The following RSU1 variants were observed in gnomAD, a reference collection of about 807,000 sequenced individuals.
The protein encoded by RSU1 is Ras suppressor protein 1.
RSU1 carries 26 observed loss-of-function variants against 31.1 expected under a neutral mutation model. The ratio of observed to expected loss-of-function variants is 0.84; its 90% CI spans 0.61 to 1.16. The LOEUF is 1.16. Ranked by LOEUF, RSU1 falls within the 50% of genes most tolerant of loss-of-function variation. The pLI, the probability that RSU1 is intolerant of heterozygous loss-of-function variation, is 0.00. For synonymous variants in RSU1, 164 were observed against 136.3 expected, an observed-to-expected ratio of 1.20 and a Z score of -1.41; for missense variants, 320 against 339.1, an observed-to-expected ratio of 0.94 and a Z score of 0.44.
chr10:16,621,198 G>C (rs1234956641), intron 8 of RSU1, among the ~76,000 whole-genome samples: 2 of 152,132 alleles, frequency 1.3e-5, no homozygotes, highest in Non-Finnish European at 2.9e-5. Context: ...GCGCCTGTGG[G>C]GGTGTGTTAT....
In RSU1 at chr10:16,746,942, T is replaced by C. The variant is rs565226949; in HGVS notation, c.598+5597A>G. On this transcript the variant is annotated intron_variant, in intron 7 of 8. Transcript: ENST00000345264. ...CAGGCTCCGGAGGATATTTCAATTATGTGCATTCCACTGTCCTGTCCTGGC... is the reference window on the plus strand; with the variant it reads ...CAGGCTCCGGAGGATATTTCAATTACGTGCATTCCACTGTCCTGTCCTGGC... 2.6e-5 allele frequency among the ~76,000 whole-genome samples: 4 copies of C among 152,284 alleles called. No individual in the cohort carries two copies. The South Asian group carries it at 6.2e-4, about 24-fold the overall frequency.
At position 16,789,888 on chromosome 10, in the gene RSU1, C is replaced by G. The variant is rs557198118; in HGVS notation, c.110-7804G>C. Among the ~76,000 whole-genome samples the G allele has an allele frequency of 8.5e-4, 129 of 152,320 alleles. 1 individual carries two copies. The highest frequency in any genetic ancestry group is 1.7e-3 in the Non-Finnish European group (113 of 68,032). Reference sequence around the variant, plus strand: ...GAGTAGAATACATTTCAAAATTCAACTCAGTAACTAAGAAAACGTGTTGAC... The same window carrying G: ...GAGTAGAATACATTTCAAAATTCAAGTCAGTAACTAAGAAAACGTGTTGAC... On this transcript the variant is annotated intron_variant, in intron 2 of 8. Transcript: ENST00000345264.
intron 7 of RSU1, among the ~76,000 whole-genome samples, chr10:16,740,773 C>G (rs1196554861): frequency 3.3e-5 from 5 of 152,106 alleles, no homozygotes; most frequent in Non-Finnish European, 7.4e-5. Flanking sequence ...ATCAAAAACT[C>G]TGAAATCTAC....
intron 8 of RSU1, among the ~76,000 whole-genome samples, chr10:16,647,393 C>A (rs1834592174): frequency 6.6e-6 from 1 of 152,182 alleles, no homozygotes; most frequent in South Asian, 2.1e-4. Flanking sequence ...CAATTCCACT[C>A]CTAGGTACAC....
At chr10:16,728,973 G>A (rs1836450539) in intron 7 of RSU1, among the ~76,000 whole-genome samples, 1 of 152,196 alleles carries the variant, frequency 6.6e-6, no homozygotes, top group African/African-American at 2.4e-5. Context: ...CCCTCCAGAA[G>A]CATAAGAGAA....
At chr10:16,673,047 T>G (rs1835142603) in intron 8 of RSU1, among the ~76,000 whole-genome samples, 1 of 151,980 alleles carries the variant, frequency 6.6e-6, no homozygotes, top group South Asian at 2.1e-4. Context: ...GCATGTCTCC[T>G]AGGGCAAGCT....
At chr10:16,710,800 A>G (rs112908329) in intron 7 of RSU1, among the ~76,000 whole-genome samples, 1,884 of 152,196 alleles carry the variant, frequency 0.012, 37 homozygotes, top group African/African-American at 0.043. Context: ...AATTTCTCCA[A>G]TGCTATCCCT....
At chr10:16,710,637 G>A (rs1588485388) in intron 7 of RSU1, among the ~76,000 whole-genome samples, 1 of 151,934 alleles carries the variant, frequency 6.6e-6, no homozygotes, top group East Asian at 1.9e-4. Context: ...CAGGTCCTAA[G>A]CTTTTCTTTG....
intron 2 of RSU1, among the ~76,000 whole-genome samples, chr10:16,803,083 A>G (rs1224731411): frequency 6.6e-6 from 1 of 152,184 alleles, no homozygotes. Flanking sequence ...AGGATGAATT[A>G]AAACTGTCTT....
intron 8 of RSU1, among the ~76,000 whole-genome samples, chr10:16,692,115 G>A (rs368772801): frequency 1.1e-4 from 17 of 152,042 alleles, no homozygotes; most frequent in African/African-American, 3.9e-4. Flanking sequence ...GGCTCCATGA[G>A]GAAATGAAAC....
intron 7 of RSU1, among the ~76,000 whole-genome samples, chr10:16,709,010 T>A (rs1014561185): frequency 6.6e-6 from 1 of 152,018 alleles, no homozygotes; most frequent in South Asian, 2.1e-4. Flanking sequence ...TTTTTTTTTT[T>A]AATTATACTT....
chr10:16,674,080 C>A (rs1453748862), intron 8 of RSU1, among the ~76,000 whole-genome samples: 1 of 152,136 alleles, frequency 6.6e-6, no homozygotes, highest in Non-Finnish European at 1.5e-5. Context: ...GGAGGCCTGG[C>A]TGACTCAAAA....
At chr10:16,659,301 CT>C (rs869035739) in intron 8 of RSU1, among the ~76,000 whole-genome samples, 6,462 of 100,886 alleles carry the variant, frequency 0.064, 324 homozygotes, top group African/African-American at 0.2. Flanking sequence ...AGGTTATATT[CT>C]TTTTTTTTTT....
chr10:16,714,230 A>C lies in RSU1; in HGVS notation c.599-19075T>G, dbSNP rs77778514. Among the ~76,000 whole-genome samples the C allele has an allele frequency of 9.3e-3, 1,413 of 152,252 alleles. 28 individuals are homozygous for C. The highest frequency in any genetic ancestry group is 0.082 in the East Asian group (423 of 5,160). On this transcript the variant is annotated intron_variant, in intron 7 of 8. Transcript: ENST00000345264. ...GATGGATGAAGAGTCTACTGGTCTGATGCTGTGCCAGCTGCACATAGGTGC... is the reference window on the plus strand; with the variant it reads ...GATGGATGAAGAGTCTACTGGTCTGCTGCTGTGCCAGCTGCACATAGGTGC...
intron 8 of RSU1, among the ~76,000 whole-genome samples, chr10:16,607,992 G>A (rs930538442): frequency 6.6e-6 from 1 of 152,024 alleles, no homozygotes; most frequent in Admixed American, 6.5e-5. Context: ...CACCACACCC[G>A]GCTCATTTTT....
intron 3 of RSU1, among the ~76,000 whole-genome samples, chr10:16,765,622 A>G (rs964735321): frequency 6.6e-6 from 1 of 152,266 alleles, no homozygotes; most frequent in Admixed American, 6.5e-5. Context: ...TAATTCATCT[A>G]TCCCACTTGC....
chr10:16,701,394 C>T lies in RSU1; in HGVS notation c.599-6239G>A, dbSNP rs566124370. On this transcript the variant is annotated intron_variant, in intron 7 of 8. Coordinates refer to ENST00000345264, the MANE Select transcript of RSU1 (RefSeq NM_012425.4). ...TGCTTTTCTTTCTGTACATCATCAA[C>T]GCAATGTAAGCTGGGATGTCTCATG... Among the ~76,000 whole-genome samples, 9 of 152,276 alleles carry T rather than the reference C, an allele frequency of 5.9e-5. No homozygotes were observed. The South Asian group carries it at 6.2e-4, about 11-fold the overall frequency.
At chr10:16,727,729 T>C (rs1188851879) in intron 7 of RSU1, among the ~76,000 whole-genome samples, 13 of 152,106 alleles carry the variant, frequency 8.5e-5, no homozygotes, top group Admixed American at 7.2e-4. Flanking sequence ...AAAACAGCAT[T>C]CAAGATACCA....
chr10:16,630,627 C>A (rs1834231094), intron 8 of RSU1, among the ~76,000 whole-genome samples: 1 of 152,190 alleles, frequency 6.6e-6, no homozygotes, highest in Non-Finnish European at 1.5e-5. Flanking sequence ...TCTTTGTGAG[C>A]CTGGCAGCTT....
Sources: allele counts gnomAD v4.1 joint callset (sites outside exome capture counted in the v4.1 genomes callset), GRCh38; gene constraint gnomAD v4.1.1; transcripts MANE v1.5; gene names NCBI Gene and HGNC (gene_info 2026-07-23, HGNC 2026-07-21).